The following KIAA0319L variants were observed in gnomAD, a reference collection of about 807,000 sequenced individuals.
KIAA0319L encodes the protein KIAA0319 like.
Under a neutral mutation model 120.1 loss-of-function variants are expected in KIAA0319L, and 55 were observed. The observed-to-expected ratio is 0.46, with a 90% confidence interval of 0.37 to 0.57. The LOEUF (loss-of-function observed/expected upper bound fraction) is 0.57. KIAA0319L is among the 20% of genes least tolerant of loss of function. The pLI is 0.00. For missense variants in KIAA0319L, 1,049 were observed against 1,255.3 expected, an observed-to-expected ratio of 0.84 and a Z score of 2.48; for synonymous variants, 398 against 471.9, an observed-to-expected ratio of 0.84 and a Z score of 2.03.
chr1:35,480,588 C>A (rs1347442359), intron 3 of KIAA0319L, among the ~76,000 whole-genome samples: 3 of 152,072 alleles, frequency 2.0e-5, no homozygotes, highest in Non-Finnish European at 4.4e-5. Flanking sequence ...TTGAGACCAG[C>A]CTGACCAACA....
chr1:35,512,456 AT>A (rs1645490430), intron 2 of KIAA0319L, among the ~76,000 whole-genome samples: 1 of 152,070 alleles, frequency 6.6e-6, no homozygotes, highest in Non-Finnish European at 1.5e-5. Flanking sequence ...ACAAAAAACA[AT>A]AGAGAAAAAT....
chr1:35,447,064 A>T (rs995214720), intron 16 of KIAA0319L, among the ~76,000 whole-genome samples: 31 of 152,116 alleles, frequency 2.0e-4, no homozygotes, highest in African/African-American at 6.8e-4. Flanking sequence ...GTAAAGGGCC[A>T]GGTACTACTG....
chr1:35,484,797 TA>T (rs1558439934), intron 3 of KIAA0319L, among the ~76,000 whole-genome samples: 3,845 of 65,250 alleles, frequency 0.059, 196 homozygotes, highest in East Asian at 0.1. Flanking sequence ...TATATATATA[TA>T]TATATATATT....
In KIAA0319L at chr1:35,433,534, G is replaced by A. The variant is rs1183481229; in HGVS notation, c.*1360C>T. On this transcript the variant is annotated 3_prime_UTR_variant, in exon 21 of 21. Coordinates refer to ENST00000325722, the MANE Select transcript of KIAA0319L (RefSeq NM_024874.5). The stretch of plus-strand genomic sequence containing the variant: ...TTTAATCATCCCACAATGGACAGTA[G>A]TGCAGTAGTAGAAATTATAAGTGTC... The A allele has an allele frequency of 1.3e-5, 2 of 152,304 alleles. No individual in the cohort carries two copies. The highest frequency in any genetic ancestry group is 2.9e-5 in the Non-Finnish European group (2 of 68,114). The allele number at this position is 152,304 out of a possible 1,614,324, so 9.4% of individuals were successfully genotyped here.
chr1:35,438,458 A>G (rs1640951590), intron 20 of KIAA0319L: 1 of 151,202 alleles, frequency 6.6e-6, no homozygotes, highest in Non-Finnish European at 1.5e-5. Flanking sequence ...CATTCTATCT[A>G]ACTTCCTTTC....
At chr1:35,511,996 G>T (rs1482390143) in intron 2 of KIAA0319L, among the ~76,000 whole-genome samples, 1 of 151,938 alleles carries the variant, frequency 6.6e-6, no homozygotes, top group African/African-American at 2.4e-5. Context: ...TAAGCCAGGC[G>T]TGGTGGCTCA....
chr1:35,508,701 G>C (rs1299927227), intron 2 of KIAA0319L, among the ~76,000 whole-genome samples: 1 of 152,122 alleles, frequency 6.6e-6, no homozygotes, highest in Non-Finnish European at 1.5e-5. Context: ...GGCACCAATA[G>C]TAAGAATCTC....
At chr1:35,546,545 A>G (rs1298321953) in intron 2 of KIAA0319L, among the ~76,000 whole-genome samples, 1 of 152,250 alleles carries the variant, frequency 6.6e-6, no homozygotes, top group Non-Finnish European at 1.5e-5. Context: ...AGATCAAGTC[A>G]GGGAACTGGA....
chr1:35,478,063 C>A lies in KIAA0319L; in HGVS notation c.913+903G>T, dbSNP rs538108252. On this transcript the variant is annotated intron_variant, in intron 4 of 20. Coordinates refer to ENST00000325722, the MANE Select transcript of KIAA0319L (RefSeq NM_024874.5). ...TGCTTATATACAATGGAGTACTACTCAGCCATAAAAAAGAATGAAATTTTG... is the reference window on the plus strand; with the variant it reads ...TGCTTATATACAATGGAGTACTACTAAGCCATAAAAAAGAATGAAATTTTG... Among the ~76,000 whole-genome samples the A allele has an allele frequency of 3.0e-4, 46 of 152,206 alleles. 1 individual carries two copies. The South Asian group carries it at 9.5e-3, about 32-fold the overall frequency.
chr1:35,526,314 T>C (rs1273740161), intron 2 of KIAA0319L, among the ~76,000 whole-genome samples: 1 of 147,002 alleles, frequency 6.8e-6, no homozygotes, highest in Non-Finnish European at 1.5e-5. Flanking sequence ...CATATATACA[T>C]ATGTGTATGT....
chr1:35,524,359 G>T (rs1310859494), intron 2 of KIAA0319L, among the ~76,000 whole-genome samples: 1 of 152,116 alleles, frequency 6.6e-6, no homozygotes, highest in Non-Finnish European at 1.5e-5. Flanking sequence ...TGTCACATAA[G>T]CTATACAATT....
intron 16 of KIAA0319L, among the ~76,000 whole-genome samples, chr1:35,447,372 A>G (rs1050801130): frequency 1.3e-5 from 2 of 151,644 alleles, no homozygotes; most frequent in Non-Finnish European, 2.9e-5. Flanking sequence ...CAGCTTGCAT[A>G]TAACTGTTCT....
At chr1:35,497,878 T>C (rs1453023988) in intron 3 of KIAA0319L, among the ~76,000 whole-genome samples, 1 of 152,248 alleles carries the variant, frequency 6.6e-6, no homozygotes, top group Non-Finnish European at 1.5e-5. Flanking sequence ...TTCCCAGAAG[T>C]AGAAGAACAG....
At chr1:35,454,587 C>A in intron 10 of KIAA0319L, 102 bp from the exon 11 acceptor site, 1 of 1,529,146 alleles carries the variant, frequency 6.5e-7, no homozygotes, top group South Asian at 1.3e-5. Flanking sequence ...AACCAAAGAC[C>A]TAAGATGGTA....
In KIAA0319L at chr1:35,453,635, G is replaced by A. The variant is rs1413706431; in HGVS notation, c.1835C>T (p.Pro612Leu). 1 of 1,614,036 alleles carries A rather than the reference G, an allele frequency of 6.2e-7. No homozygotes were observed. Among genetic ancestry groups the A allele is most frequent in the Non-Finnish European group, 8.5e-7 (1 of 1,179,916 alleles). ...GCCATCCAGGGTTGTGCTATCCACA[G>A]GAAGGGTCAGCTCTTTATCTGGGCC... ...DAGPDKELTL[P>L]VDSTTLDGSK... is the part of the protein sequence containing the mutation. The change falls in exon 12 of 21, where the codon CCT becomes CTT. Residue 612 changes from proline to leucine, a missense_variant. Physicochemically the swap from Pro to Leu is moderately conservative, Grantham distance 98 (BLOSUM62 -3). Transcript: ENST00000325722. The surrounding 1 kb of genome is among the most constrained non-coding windows in gnomAD (Gnocchi z 4.1).
At chr1:35,520,241 A>C (rs182683162) in intron 2 of KIAA0319L, among the ~76,000 whole-genome samples, 1 of 152,110 alleles carries the variant, frequency 6.6e-6, no homozygotes, top group African/African-American at 2.4e-5. Flanking sequence ...CTGGGACTAC[A>C]GGCATGTGCC....
chr1:35,537,402 T>C (rs1251696385), intron 2 of KIAA0319L, among the ~76,000 whole-genome samples: 6 of 150,392 alleles, frequency 4.0e-5, no homozygotes, highest in South Asian at 2.1e-4. Flanking sequence ...TTTTTTTTTT[T>C]CTGGCTTGTT....
chr1:35,436,874 T>C (rs1640835094), intron 20 of KIAA0319L, among the ~76,000 whole-genome samples: 1 of 152,064 alleles, frequency 6.6e-6, no homozygotes, highest in Non-Finnish European at 1.5e-5. Context: ...ACGGACCCAC[T>C]CAGTTTACCC....
At chr1:35,537,111 A>G (rs1161238728) in intron 2 of KIAA0319L, among the ~76,000 whole-genome samples, 2 of 152,208 alleles carry the variant, frequency 1.3e-5, no homozygotes, top group East Asian at 1.9e-4. Context: ...ACTTTTGCCT[A>G]TACATAAAAG....
Sources: allele counts gnomAD v4.1 joint callset (sites outside exome capture counted in the v4.1 genomes callset), GRCh38; gene constraint gnomAD v4.1.1; non-coding constraint Gnocchi (gnomAD v3.1); transcripts MANE v1.5; gene names NCBI Gene and HGNC (gene_info 2026-07-23, HGNC 2026-07-21).